PLA2G4E: variants seen among roughly 807,000 people sequenced by gnomAD.
PLA2G4E encodes cytosolic phospholipase A2 epsilon.
Under a neutral mutation model 109.1 loss-of-function variants are expected in PLA2G4E, and 84 were observed. The observed-to-expected ratio is 0.77, with a 90% confidence interval of 0.65 to 0.92. PLA2G4E has a LOEUF of 0.92. PLA2G4E is among the 40% of genes least tolerant of loss of function. The pLI is 0.00. For missense variants in PLA2G4E, 1,057 were observed against 1,076.6 expected (o/e 0.98, Z 0.25); for synonymous variants, 469 against 436.1 (o/e 1.08, Z -0.94).
chr15:42,006,167 G>T, intron 3 of PLA2G4E, 46 bp from the exon 4 acceptor site: 4 of 1,608,294 alleles, frequency 2.5e-6, no homozygotes, highest in South Asian at 2.2e-5. Context: ...CGGTTGCATT[G>T]ACCCCTTCCC....
chr15:41,997,110 C>A lies in PLA2G4E; in HGVS notation c.1110+14G>T. Reference sequence around the variant, plus strand: ...CCAGCTGGGCCCAGGCTGGCCACATCCCTGATTACCCACCTCGTCCTCCTG... The same window carrying A: ...CCAGCTGGGCCCAGGCTGGCCACATACCTGATTACCCACCTCGTCCTCCTG... On this transcript the variant is annotated intron_variant, in intron 11 of 19. Transcript: ENST00000399518. The A allele has an allele frequency of 6.4e-7, 1 of 1,554,628 alleles. No individual in the cohort carries two copies. Among genetic ancestry groups the A allele is most frequent in the South Asian group, 1.2e-5 (1 of 83,032 alleles).
At chr15:42,024,538 C>G (rs2068676740) in intron 1 of PLA2G4E, among the ~76,000 whole-genome samples, 1 of 152,148 alleles carries the variant, frequency 6.6e-6, no homozygotes, top group Non-Finnish European at 1.5e-5. Context: ...CTCAGGTAAC[C>G]CAATATTGAA....
chr15:42,007,681 G>A lies in PLA2G4E; in HGVS notation c.393+48C>T, dbSNP rs138883021. The A allele has an allele frequency of 3.5e-5, 55 of 1,581,546 alleles. No homozygotes were observed. The African/African-American group carries it at 5.9e-4, about 17-fold the overall frequency. On this transcript the variant is annotated intron_variant, in intron 3 of 19. Coordinates refer to ENST00000399518, the Ensembl canonical transcript of PLA2G4E. ...AAGAGAAGGACAAGTGGGCAAGAGG[G>A]GAGTAAAATGCAGACAGGGAAGACA...
At chr15:42,033,015 C>T (rs1443487157) in intron 1 of PLA2G4E, among the ~76,000 whole-genome samples, 1 of 151,978 alleles carries the variant, frequency 6.6e-6, no homozygotes, top group African/African-American at 2.4e-5. Flanking sequence ...TGTGAGTATG[C>T]TGTGAGCATG....
intron 1 of PLA2G4E, among the ~76,000 whole-genome samples, chr15:42,038,223 G>A (rs1478551202): frequency 6.6e-6 from 1 of 152,138 alleles, no homozygotes; most frequent in Non-Finnish European, 1.5e-5. Flanking sequence ...TAGATCAGTG[G>A]TCCCCAACGT....
At chr15:42,008,865 A>T (rs1362884622) in intron 2 of PLA2G4E, 2 of 149,940 alleles carry the variant, frequency 1.3e-5, no homozygotes, top group Admixed American at 1.3e-4. Context: ...TGGCAGGAGG[A>T]TGGGAGTTCT....
chr15:42,023,862 A>G (rs2068669981), intron 1 of PLA2G4E, among the ~76,000 whole-genome samples: 1 of 152,138 alleles, frequency 6.6e-6, no homozygotes. Flanking sequence ...ATTAAATCAA[A>G]TTGAATAGGG....
intron 1 of PLA2G4E, among the ~76,000 whole-genome samples, chr15:42,045,558 G>A (rs1287591260): frequency 6.6e-6 from 1 of 152,200 alleles, no homozygotes; most frequent in African/African-American, 2.4e-5. Flanking sequence ...CACCTGCTCT[G>A]TGCTCAGAAA....
At chr15:42,016,864 C>T (rs916832240) in intron 1 of PLA2G4E, among the ~76,000 whole-genome samples, 2 of 152,206 alleles carry the variant, frequency 1.3e-5, no homozygotes, top group African/African-American at 4.8e-5. Flanking sequence ...TGTTGGGAGC[C>T]GGAGACTTGG....
chr15:41,997,192 G>A lies in PLA2G4E; in HGVS notation c.1042C>T (p.Arg348Trp), dbSNP rs756827449. Reference sequence around the variant, plus strand: ...AGGGCCTTGGCCACCACGACCTTCCGCTTCTGCAGAAACTCCAGCTCTGCT... The same window carrying A: ...AGGGCCTTGGCCACCACGACCTTCCACTTCTGCAGAAACTCCAGCTCTGCT... The change falls in exon 11 of 20, where the codon CGG becomes TGG. Residue 348 changes from arginine (R) to tryptophan (W), a missense_variant. Physicochemically the swap from Arg to Trp is moderately radical, Grantham distance 101. Coordinates refer to ENST00000399518, the Ensembl canonical transcript of PLA2G4E. 3.0e-5 allele frequency: 46 copies of A among 1,556,498 alleles called. No individual in the cohort carries two copies. The highest frequency in any genetic ancestry group is 1.7e-4 in the Middle Eastern group (1 of 6,016).
intron 1 of PLA2G4E, among the ~76,000 whole-genome samples, chr15:42,041,292 G>C (rs1158344939): frequency 3.3e-5 from 5 of 150,500 alleles, no homozygotes; most frequent in Non-Finnish European, 7.4e-5. Context: ...ATGAGGGATA[G>C]GGCTTAGAAG....
intron 1 of PLA2G4E, among the ~76,000 whole-genome samples, chr15:42,041,225 T>A (rs1262924698): frequency 6.6e-6 from 1 of 152,242 alleles, no homozygotes; most frequent in African/African-American, 2.4e-5. Context: ...ATATTTGATT[T>A]GGTATTATTC....
At chr15:41,986,130 C>A in intron 17 of PLA2G4E, 125 bp from the exon 18 acceptor site, 2 of 991,462 alleles carry the variant, frequency 2.0e-6, no homozygotes, top group Admixed American at 2.4e-5. Context: ...AGGACGCCCA[C>A]TGAGTTCCAG....
rs191893742 is a variant in PLA2G4E, at chr15:41,993,079, C to T, written c.1248-120G>A. 4 of 842,408 alleles carry T rather than the reference C, an allele frequency of 4.7e-6. No individual in the cohort carries two copies. In the East Asian group the frequency reaches 1.1e-4, roughly 23 times the overall value. 52.2% of individuals were successfully genotyped at this position (842,408 alleles called of 1,614,324 possible). A position where few individuals can be genotyped will look rare whatever the true frequency, so the allele number is the denominator to read the frequency against. Reference sequence around the variant, plus strand: ...AACCCTAACCTGCCAGGAGGGGAACCTGGAGAGTAGGGGTGAGGCAGAGAC... The same window carrying T: ...AACCCTAACCTGCCAGGAGGGGAACTTGGAGAGTAGGGGTGAGGCAGAGAC... On this transcript the variant is annotated intron_variant, in intron 12 of 19. Transcript: ENST00000399518.
intron 1 of PLA2G4E, among the ~76,000 whole-genome samples, chr15:42,020,016 G>A (rs981730849): frequency 7.2e-5 from 11 of 152,358 alleles, no homozygotes; most frequent in East Asian, 1.9e-4. Context: ...GTGGCCAGAC[G>A]CCCTTCCAGC....
At chr15:41,989,025 G>A (rs180675694) in intron 15 of PLA2G4E, among the ~76,000 whole-genome samples, 4 of 152,304 alleles carry the variant, frequency 2.6e-5, no homozygotes, top group Admixed American at 6.5e-5. Context: ...GAACCGAGGC[G>A]CTTAGGGTGG....
intron 2 of PLA2G4E, among the ~76,000 whole-genome samples, chr15:42,011,734 TAAAATAAAAATA>T (rs370765657): frequency 0.017 from 2,641 of 151,588 alleles, 91 homozygotes; most frequent in African/African-American, 0.06. Context: ...TGTCTCAAAA[TAAAATAAAAATA>T]AAAATAAAAA....
exon 20 of PLA2G4E, chr15:41,983,382 G>C (rs1850745675): frequency 4.2e-6 from 1 of 239,796 alleles, no homozygotes; most frequent in African/African-American, 2.2e-5. Flanking sequence ...ACACGAGGTA[G>C]AGGACAGAGA....
chr15:42,030,373 C>T (rs558659706), intron 1 of PLA2G4E, among the ~76,000 whole-genome samples: 5 of 152,294 alleles, frequency 3.3e-5, no homozygotes, highest in Admixed American at 3.3e-4. Flanking sequence ...GCCTGCAAAA[C>T]GCCCCAGATC....
Sources: gnomAD v4.1 joint callset for allele counts (sites outside exome capture counted in the v4.1 genomes callset) on GRCh38, gnomAD v4.1.1 for gene constraint, MANE v1.5 for transcripts, NCBI Gene and HGNC (gene_info 2026-07-23, HGNC 2026-07-21) for gene names.